IZUMO3: variants seen among roughly 807,000 people sequenced by gnomAD.
IZUMO3 encodes IZUMO family member 3.
A neutral mutation model predicts 28.4 loss-of-function variants in IZUMO3; 36 were observed. The observed-to-expected ratio is 1.27, with a 90% CI of 0.97 to 1.67. The LOEUF is 1.67. Among genes scored for constraint, IZUMO3 ranks in the 40% most tolerant of loss-of-function variants. The pLI is 0.00. For missense variants in IZUMO3, 387 were observed against 278.5 expected, an observed-to-expected ratio of 1.39 and a Z score of -2.77; for synonymous variants, 126 against 99.2, an observed-to-expected ratio of 1.27 and a Z score of -1.61.
chr9:24,545,425 C>T lies in IZUMO3; in HGVS notation c.225G>A (p.Leu75=). Residue 75 remains leucine, a splice_region_variant and synonymous_variant, in exon 1 of 7, where the codon TTG becomes TTA. Coordinates refer to ENST00000543880, the MANE Select transcript of IZUMO3 (RefSeq NM_001365008.2). ...CTCAGGAACTCAAGCTTCCCTCACCCAACACCCGAAGCCTCTTGTCACTGT... is the reference window on the plus strand; with the variant it reads ...CTCAGGAACTCAAGCTTCCCTCACCTAACACCCGAAGCCTCTTGTCACTGT... ...VSHSDKRLRV[L]AVQQVVKLRT... 6.5e-7 allele frequency: 1 copy of T among 1,540,524 alleles called. No homozygotes were observed. The highest frequency in any genetic ancestry group is 1.2e-5 in the South Asian group (1 of 84,046).
chr9:24,544,933 A>G, intron 3 of IZUMO3, 39 bp downstream of exon 3: 1 of 1,438,400 alleles, frequency 7.0e-7, no homozygotes, highest in Non-Finnish European at 9.6e-7. Flanking sequence ...TATTCCCTTC[A>G]TATAACTTCA....
rs1342656143 is a variant in IZUMO3 at position 24,544,796 on chromosome 9, A to G, written c.392-36T>C. ...ATCAGAAAGTTCTAATGAGTTTAAAACCAGCTACAGTTTGCCATATTTATA... is the reference window on the plus strand; with the variant it reads ...ATCAGAAAGTTCTAATGAGTTTAAAGCCAGCTACAGTTTGCCATATTTATA... On this transcript the variant is annotated intron_variant, in intron 3 of 6. Coordinates refer to ENST00000543880, the MANE Select transcript of IZUMO3 (RefSeq NM_001365008.2). 3.2e-6 allele frequency: 5 copies of G among 1,546,934 alleles called. No individual in the cohort carries two copies. In the East Asian group the frequency reaches 7.3e-5, roughly 23 times the overall value.
Position 24,545,638 on chromosome 9 carries a change from C to G in IZUMO3, c.12G>C (p.Leu4=), listed in dbSNP as rs1452769195. Residue 4 remains leucine (L), a synonymous_variant, in exon 1 of 7, where the codon CTG becomes CTC. Transcript: ENST00000543880. ...AGAGGGGCAGGAGCAGGAATAACCA[C>G]AGGTCACCCATTTCTTTCTTCACCC... is the stretch of plus-strand genomic sequence containing the variant. MGD[L]WLFLLLPLSA... 1.3e-6 allele frequency: 2 copies of G among 1,535,084 alleles called. No individual in the cohort carries two copies. The highest frequency in any genetic ancestry group is 4.9e-5 in the East Asian group (2 of 40,890).
intron 4 of IZUMO3, 63 bp downstream of exon 4, chr9:24,544,680 T>C: frequency 6.9e-7 from 1 of 1,442,248 alleles, no homozygotes; most frequent in East Asian, 2.5e-5. Context: ...TAGGGCCATA[T>C]AGAGCAAAGG....
At chr9:24,543,837 T>C in intron 5 of IZUMO3, 83 bp from the exon 6 acceptor site, 6 of 920,284 alleles carry the variant, frequency 6.5e-6, no homozygotes, top group Non-Finnish European at 1.0e-5. Context: ...TAGAAAACTC[T>C]TTTAACCTCA....
rs150320525 is a variant in IZUMO3 at position 24,544,291 on chromosome 9, A to T, written c.410-10T>A. The T allele has an allele frequency of 1.1e-3, 1,747 of 1,540,186 alleles. 12 individuals carry two copies. The African/African-American group carries it at 0.021, about 19-fold the overall frequency. The stretch of plus-strand genomic sequence containing the variant: ...GGACCTTCAACCACAACTGATAAAG[A>T]GGAGAAGAAAGATAATCAGAAAGAG... On this transcript the variant is annotated splice_polypyrimidine_tract_variant and intron_variant, in intron 4 of 6. Transcript: ENST00000543880.
chr9:24,544,055 A>T, intron 5 of IZUMO3, 146 bp downstream of exon 5: 1 of 653,658 alleles, frequency 1.5e-6, no homozygotes, highest in South Asian at 1.9e-5. Flanking sequence ...AATTTCACCC[A>T]ACACCCTAGC....
chr9:24,545,659 C>T lies in IZUMO3; in HGVS notation c.-10G>A, dbSNP rs1819577275. On this transcript the variant is annotated 5_prime_UTR_variant, in exon 1 of 7. Transcript: ENST00000543880. ...ACCACAGGTCACCCATTTCTTTCTTCACCCCCGCTCCCCGACAGCAGGTTG... is the reference window on the plus strand; with the variant it reads ...ACCACAGGTCACCCATTTCTTTCTTTACCCCCGCTCCCCGACAGCAGGTTG... 4 of 1,534,796 alleles carry T rather than the reference C, an allele frequency of 2.6e-6. No individual in the cohort carries two copies. The highest frequency in any genetic ancestry group is 4.9e-5 in the East Asian group (2 of 40,880).
Position 24,545,436 on chromosome 9 carries a change from G to T in IZUMO3, c.214C>A (p.Leu72Ile). 6.5e-7 allele frequency: 1 copy of T among 1,539,244 alleles called. No individual in the cohort carries two copies. Among genetic ancestry groups the T allele is most frequent in the Non-Finnish European group, 8.7e-7 (1 of 1,146,788 alleles). ...SFKVSHSDKR[L>I]RVLAVQQVVK... is the part of the protein sequence containing the mutation. ...AAGCTTCCCTCACCCAACACCCGAA[G>T]CCTCTTGTCACTGTGGGAGACCTTG... Residue 72 changes from leucine (L) to isoleucine (I), a missense_variant, in exon 1 of 7, where the codon CTT (leucine) becomes ATT (isoleucine). By Grantham distance (5) the Leu-to-Ile change is conservative (BLOSUM62 2). Transcript: ENST00000543880.
At position 24,545,384 on chromosome 9, in the gene IZUMO3, T is replaced by C. The variant is rs747123145; in HGVS notation, c.226+40A>G. 6 of 1,546,522 alleles carry C rather than the reference T, an allele frequency of 3.9e-6. No individual in the cohort carries two copies. In the South Asian group the frequency reaches 4.8e-5, roughly 12 times the overall value. On this transcript the variant is annotated intron_variant, in intron 1 of 6. Coordinates refer to ENST00000543880, the MANE Select transcript of IZUMO3 (RefSeq NM_001365008.2). The stretch of plus-strand genomic sequence containing the variant: ...TTCTCTTCCTTGCCTCCCTTCTCCG[T>C]TTAAGCCCCTGGACTCTCAGGAACT...
chr9:24,545,383 G>T (rs1355988227), intron 1 of IZUMO3, 41 bp downstream of exon 1: 5 of 1,546,394 alleles, frequency 3.2e-6, no homozygotes, highest in African/African-American at 1.4e-5. Context: ...TCCCTTCTCC[G>T]TTTAAGCCCC....
In IZUMO3 at chr9:24,543,224, T is replaced by C. The variant is rs980957905; in HGVS notation, c.*5A>G. Reference sequence around the variant, plus strand: ...ATGAAAGACTTCTTGTCCATGTTGATGTGTTTATTTTCTGAGTCTAAAGTC... The same window carrying C: ...ATGAAAGACTTCTTGTCCATGTTGACGTGTTTATTTTCTGAGTCTAAAGTC... On this transcript the variant is annotated 3_prime_UTR_variant, in exon 7 of 7. Transcript: ENST00000543880. 21 of 1,540,340 alleles carry C rather than the reference T, an allele frequency of 1.4e-5. No individual in the cohort carries two copies. The Admixed American group carries it at 3.2e-4, about 24-fold the overall frequency.
intron 3 of IZUMO3, 27 bp downstream of exon 3, chr9:24,544,945 T>C (rs776625350): frequency 2.0e-6 from 3 of 1,467,362 alleles, no homozygotes; most frequent in East Asian, 2.5e-5. Flanking sequence ...ATAACTTCAG[T>C]GCTGTTATAT....
In IZUMO3 at chr9:24,544,416, TCTC is replaced by T. The variant is rs1373392104; in HGVS notation, c.410-138_410-136del. ...GTTTGCATTGCTGTGAATTTCTTCT[TCTC>T]CTAGAAATCAAGTTTCTTGATGGAT... On this transcript the variant is annotated intron_variant, in intron 4 of 6. Coordinates refer to ENST00000543880, the MANE Select transcript of IZUMO3 (RefSeq NM_001365008.2). 15 of 703,000 alleles carry T rather than the reference TCTC, an allele frequency of 2.1e-5. No homozygotes were observed. The Admixed American group carries it at 3.0e-4, about 14-fold the overall frequency. The allele number at this position is 703,000 out of a possible 1,614,324, so 43.5% of individuals were successfully genotyped here.
At chr9:24,544,591 C>T (rs911459310) in intron 4 of IZUMO3, among the ~76,000 whole-genome samples, 152 bp downstream of exon 4, 5 of 152,186 alleles carry the variant, frequency 3.3e-5, no homozygotes, top group Middle Eastern at 3.4e-3. Context: ...AGCTAGGTTT[C>T]GTTATCAGGT....
rs1819490311 is a variant in IZUMO3, at chr9:24,543,246, A to G, written c.703T>C (p.Phe235Leu). 1 of 1,545,546 alleles carries G rather than the reference A, an allele frequency of 6.5e-7. No individual in the cohort carries two copies. The highest frequency in any genetic ancestry group is 2.5e-5 in the East Asian group (1 of 40,592). ...GKIDEKEEKD[F>L]RLRK is the part of the protein sequence containing the mutation. ...TGATGTGTTTATTTTCTGAGTCTAA[A>G]GTCTTTCTCCTCCTTCTCATCTATC... Residue 235 changes from phenylalanine (F) to leucine (L), a missense_variant, in exon 7 of 7, where the codon TTT becomes CTT. By Grantham distance (22) the Phe-to-Leu change is conservative (BLOSUM62 0). Coordinates refer to ENST00000543880, the MANE Select transcript of IZUMO3 (RefSeq NM_001365008.2).
chr9:24,544,326 C>T (rs990896827), intron 4 of IZUMO3, 45 bp from the exon 5 acceptor site: 62 of 1,350,796 alleles, frequency 4.6e-5, no homozygotes, highest in African/African-American at 5.8e-5. Flanking sequence ...GGGCATGGCA[C>T]GAGGGTTCCT....
In IZUMO3 at chr9:24,545,255, C is replaced by T; in HGVS notation, c.258G>A (p.Trp86Ter). 6.5e-7 allele frequency: 1 copy of T among 1,550,346 alleles called. No homozygotes were observed. ...AVQQVVKLRT[W>*]LKNEFYKLGN... ...CCAGTTTATAAAATTCATTCTTCAACCATGTTCTCAACTTAACAACCTGCT... is the reference window on the plus strand; with the variant it reads ...CCAGTTTATAAAATTCATTCTTCAATCATGTTCTCAACTTAACAACCTGCT... Residue 86 changes from tryptophan (W) to a stop codon, truncating the protein, a stop_gained, in exon 2 of 7, where the codon TGG becomes TGA. Coordinates refer to ENST00000543880, the MANE Select transcript of IZUMO3 (RefSeq NM_001365008.2). LOFTEE classifies it high-confidence loss of function.
chr9:24,543,435 ATTGTTTTTTTTTT>A, intron 6 of IZUMO3, 68 bp from the exon 7 acceptor site: 17 of 75,188 alleles, frequency 2.3e-4, no homozygotes, highest in Middle Eastern at 1.8e-3. Context: ...CCAGTTATAC[ATTGTTTTTTTTTT>A]TTTTTTTTTT....
Sources: gnomAD v4.1 joint callset for allele counts (sites outside exome capture counted in the v4.1 genomes callset) on GRCh38, gnomAD v4.1.1 for gene constraint, MANE v1.5 for transcripts, NCBI Gene and HGNC (gene_info 2026-07-23, HGNC 2026-07-21) for gene names.